TNS1: variants seen among roughly 807,000 people sequenced by gnomAD.
The protein encoded by TNS1 is tensin 1.
Under a neutral mutation model 168.6 loss-of-function variants are expected in TNS1, and 62 were observed. That is an observed-to-expected ratio of 0.37 (90% CI 0.30 to 0.45). TNS1 has a LOEUF of 0.45. TNS1 is among the 20% of genes least tolerant of loss of function. The pLI is 1.00. For missense variants in TNS1, 2,240 were observed against 2,339.4 expected (o/e 0.96, Z 0.88); for synonymous variants, 934 against 933.2 (o/e 1.00, Z -0.02).
chr2:217,898,379 T>A (rs1206178049), intron 7 of TNS1, among the ~76,000 whole-genome samples: 1 of 152,204 alleles, frequency 6.6e-6, no homozygotes. Flanking sequence ...GGCCCCAGAC[T>A]GCTCTGGAAG....
chr2:217,805,701 A>ACACACATACAAAC (rs1938818272), intron 32 of TNS1, among the ~76,000 whole-genome samples: 1 of 78,534 alleles, frequency 1.3e-5, no homozygotes, highest in Non-Finnish European at 2.6e-5. Context: ...ACACATCACC[A>ACACACATACAAAC]CATGCATACA....
At chr2:217,869,780 G>A (rs1445294069) in intron 18 of TNS1, among the ~76,000 whole-genome samples, 1 of 152,246 alleles carries the variant, frequency 6.6e-6, no homozygotes, top group African/African-American at 2.4e-5. Context: ...AGCAGACGGG[G>A]GAATGGAGCC....
In TNS1 at chr2:217,941,565, C is replaced by T. The variant is rs59684124; in HGVS notation, c.187-21329G>A. 1.7e-3 allele frequency among the ~76,000 whole-genome samples: 262 copies of T among 152,302 alleles called. 1 individual carries two copies. The highest frequency in any genetic ancestry group is 5.8e-3 in the African/African-American group (243 of 41,554). On this transcript the variant is annotated intron_variant, in intron 3 of 32. Coordinates refer to ENST00000682258, the MANE Select transcript of TNS1 (RefSeq NM_001387777.1). ...GGCCCCTGCGAGTGGTCTGCGCCCA[C>T]GCCCCAGGCCAGAGGACACAGCTTC... is the stretch of plus-strand genomic sequence containing the variant.
intron 3 of TNS1, among the ~76,000 whole-genome samples, chr2:217,962,141 G>C (rs979973346): frequency 2.0e-5 from 3 of 152,188 alleles, no homozygotes; most frequent in Non-Finnish European, 4.4e-5. Flanking sequence ...AAAATGAGTA[G>C]ATAAGAGAAG....
rs576167718 is a variant in TNS1 at position 217,984,767 on chromosome 2, T to C, written c.149-5965A>G. Among the ~76,000 whole-genome samples the C allele has an allele frequency of 2.6e-3, 373 of 143,138 alleles. No individual in the cohort carries two copies. The East Asian group carries it at 0.031, about 12-fold the overall frequency. The allele number at this position is 143,138 out of a possible 152,430, so 93.9% of individuals were successfully genotyped here. A position where few individuals can be genotyped will look rare whatever the true frequency, so the allele number is the denominator to read the frequency against. On this transcript the variant is annotated intron_variant, in intron 2 of 32. Coordinates refer to ENST00000682258, the MANE Select transcript of TNS1 (RefSeq NM_001387777.1). ...CTCAGCCTCTTTTTTTTTTTTTTTTTCCCCCCAAGACAGAGTCTTGCTCTG... is the reference window on the plus strand; with the variant it reads ...CTCAGCCTCTTTTTTTTTTTTTTTTCCCCCCCAAGACAGAGTCTTGCTCTG...
chr2:218,027,419 C>T (rs1958860159), intron 1 of TNS1, among the ~76,000 whole-genome samples: 1 of 152,090 alleles, frequency 6.6e-6, no homozygotes, highest in Non-Finnish European at 1.5e-5. Flanking sequence ...CCTGAAGGGG[C>T]CACATGCTTC....
chr2:217,804,616 G>A lies in TNS1; in HGVS notation c.5376-13C>T. The A allele has an allele frequency of 1.2e-6, 2 of 1,613,908 alleles. No homozygotes were observed. The highest frequency in any genetic ancestry group is 1.1e-5 in the South Asian group (1 of 91,064). On this transcript the variant is annotated splice_polypyrimidine_tract_variant and intron_variant, in intron 32 of 32. Transcript: ENST00000682258. Reference sequence around the variant, plus strand: ...GAAGCCGAAGAGCCTGCAGGCGGGAGAGGGCAACGGGCATGAGGGAAGGGC... The same window carrying A: ...GAAGCCGAAGAGCCTGCAGGCGGGAAAGGGCAACGGGCATGAGGGAAGGGC...
At chr2:217,917,852 T>C (rs990046642) in intron 4 of TNS1, among the ~76,000 whole-genome samples, 1 of 107,462 alleles carries the variant, frequency 9.3e-6, no homozygotes, top group African/African-American at 3.7e-5. Flanking sequence ...AAAAAAAGAC[T>C]TGCGACTGGG....
intron 2 of TNS1, among the ~76,000 whole-genome samples, chr2:217,979,874 T>A (rs1957997285): frequency 6.6e-6 from 1 of 151,988 alleles, no homozygotes; most frequent in African/African-American, 2.4e-5. Flanking sequence ...ACCACAGCCA[T>A]CCACCTCCTT....
intron 24 of TNS1, among the ~76,000 whole-genome samples, chr2:217,815,733 C>T (rs78574072): frequency 6.6e-6 from 1 of 152,194 alleles, no homozygotes; most frequent in East Asian, 1.9e-4. Context: ...GCTTCTAGAA[C>T]CTTTCTCCAC....
intron 32 of TNS1, among the ~76,000 whole-genome samples, chr2:217,805,096 C>A (rs1301079678): frequency 1.3e-5 from 2 of 152,054 alleles, no homozygotes; most frequent in Non-Finnish European, 2.9e-5. Flanking sequence ...CCTCCACACA[C>A]ACACACTTAT....
intron 12 of TNS1, among the ~76,000 whole-genome samples, chr2:217,888,817 T>A (rs1951468160): frequency 6.6e-6 from 1 of 152,196 alleles, no homozygotes; most frequent in African/African-American, 2.4e-5. Flanking sequence ...AATTGCCCAG[T>A]CTTGGGTATG....
chr2:217,931,203 G>A (rs756025507), intron 3 of TNS1, among the ~76,000 whole-genome samples: 14 of 152,284 alleles, frequency 9.2e-5, no homozygotes, highest in Non-Finnish European at 1.9e-4. Context: ...TATGAAGAGG[G>A]CTAGGATTTC....
chr2:218,002,939 GC>G lies in TNS1; in HGVS notation c.-68del. On this transcript the variant is annotated 5_prime_UTR_variant, in exon 1 of 33. It removes the in-frame stop codon of an upstream open reading frame in the 5' UTR. Transcript: ENST00000682258. ...AAGAGCCCCTGAAGCTAGAGTCCCCGCGGCGCTGGCAGAAGGGCTCTCTGAG... is the reference window on the plus strand; with the variant it reads ...AAGAGCCCCTGAAGCTAGAGTCCCCGGGCGCTGGCAGAAGGGCTCTCTGAG... 5 of 456,382 alleles carry G rather than the reference GC, an allele frequency of 1.1e-5. No homozygotes were observed. The highest frequency in any genetic ancestry group is 7.7e-5 in the South Asian group (5 of 64,552). 28.3% of individuals were successfully genotyped at this position (456,382 alleles called of 1,614,324 possible).
At chr2:217,826,012 C>T (rs531236586) in intron 22 of TNS1, among the ~76,000 whole-genome samples, 2 of 152,270 alleles carry the variant, frequency 1.3e-5, no homozygotes, top group East Asian at 3.9e-4. Flanking sequence ...GGTGGCCAAC[C>T]TAGCCAAGGC....
intron 2 of TNS1, among the ~76,000 whole-genome samples, chr2:217,981,447 A>G (rs868665055): frequency 6.6e-6 from 1 of 152,238 alleles, no homozygotes; most frequent in African/African-American, 2.4e-5. Context: ...GGGGGGGCAA[A>G]TGGAGAAATC....
chr2:217,935,157 G>A (rs1291154270), intron 3 of TNS1, among the ~76,000 whole-genome samples: 1 of 152,202 alleles, frequency 6.6e-6, no homozygotes, highest in East Asian at 1.9e-4. Context: ...GCTGAAGACG[G>A]GAGATCTGAA....
At position 217,894,867 on chromosome 2, in the gene TNS1, T is replaced by C. The variant is rs1952113676; in HGVS notation, c.594+139A>G. The C allele has an allele frequency of 4.8e-6, 4 of 833,660 alleles. No individual in the cohort carries two copies. The South Asian group carries it at 4.8e-5, about 10-fold the overall frequency. 51.6% of individuals were successfully genotyped at this position (833,660 alleles called of 1,614,324 possible). ...CATTGTGGAAATGATAAGTAGATCA[T>C]TTTCCATTTTCCAGATATAAGTCGG... is the stretch of plus-strand genomic sequence containing the variant. On this transcript the variant is annotated intron_variant, in intron 9 of 32. Coordinates refer to ENST00000682258, the MANE Select transcript of TNS1 (RefSeq NM_001387777.1).
intron 18 of TNS1, chr2:217,850,120 G>A (rs919172536): frequency 6.4e-5 from 63 of 985,232 alleles, no homozygotes; most frequent in Non-Finnish European, 7.2e-5. Context: ...GGAAAGGGAC[G>A]CGGGTCCTGG....
Sources: gnomAD v4.1 joint callset for allele counts (sites outside exome capture counted in the v4.1 genomes callset) on GRCh38, gnomAD v4.1.1 for gene constraint, MANE v1.5 for transcripts, NCBI Gene and HGNC (gene_info 2026-07-23, HGNC 2026-07-21) for gene names.